The following CDHR2 variants were observed in gnomAD, a reference collection of about 807,000 sequenced individuals.
CDHR2 encodes the protein cadherin-related family member 2.
CDHR2 carries 104 observed loss-of-function variants against 138.6 expected under a neutral mutation model. The ratio of observed to expected loss-of-function variants is 0.75; its 90% confidence interval spans 0.64 to 0.88. CDHR2 has a LOEUF of 0.88. Among genes scored for constraint, CDHR2 ranks in the 40% least tolerant of loss-of-function variants. The pLI is 0.00. For missense variants in CDHR2, 1,624 were observed against 1,727.6 expected (o/e 0.94, Z 1.06); for synonymous variants, 755 against 742.8 (o/e 1.02, Z -0.27).
intron 16 of CDHR2, among the ~76,000 whole-genome samples, chr5:176,579,550 G>A (rs1309855952): frequency 6.6e-6 from 1 of 152,138 alleles, no homozygotes; most frequent in Non-Finnish European, 1.5e-5. Flanking sequence ...TAACCGTGGT[G>A]CCCAGCATGA....
rs374477431 is a variant in CDHR2, at chr5:176,565,345, C to A, written c.-8C>A. On this transcript the variant is annotated 5_prime_UTR_variant, in exon 2 of 32. Transcript: ENST00000261944. ...CCTGACCTCTTCCCTTAGGTCCCTGCGGATGTGATGGCCCAGCTATGGCTG... is the reference window on the plus strand; with the variant it reads ...CCTGACCTCTTCCCTTAGGTCCCTGAGGATGTGATGGCCCAGCTATGGCTG... 1.4e-5 allele frequency: 22 copies of A among 1,613,272 alleles called. No individual in the cohort carries two copies. The highest frequency in any genetic ancestry group is 1.6e-4 in the Middle Eastern group (1 of 6,084).
chr5:176,549,033 C>T (rs970272358), upstream of CDHR2, among the ~76,000 whole-genome samples: 6 of 152,188 alleles, frequency 3.9e-5, no homozygotes, highest in Non-Finnish European at 1.5e-5. Flanking sequence ...AGGGAGGGGA[C>T]GGGGGCTCTG....
chr5:176,589,325 C>T lies in CDHR2; in HGVS notation c.3009-5C>T, dbSNP rs374746165. 5.7e-5 allele frequency: 88 copies of T among 1,554,794 alleles called. No individual in the cohort carries two copies. The highest frequency in any genetic ancestry group is 3.3e-4 in the African/African-American group (24 of 73,374). ...AGACTGACCTGCGCCTCCCGCCTTC[C>T]GCAGGCCGGTGACCAGCCTCGACTC... On this transcript the variant is annotated splice_region_variant and splice_polypyrimidine_tract_variant and intron_variant, in intron 22 of 31. Transcript: ENST00000261944.
intron 1 of CDHR2, among the ~76,000 whole-genome samples, chr5:176,562,195 A>G (rs1319259320): frequency 6.6e-6 from 1 of 152,114 alleles, no homozygotes; most frequent in Non-Finnish European, 1.5e-5. Flanking sequence ...TGAGGGCGGA[A>G]AAGATTAGAT....
intron 16 of CDHR2, 142 bp downstream of exon 16, chr5:176,578,750 A>C: frequency 8.5e-7 from 1 of 1,179,902 alleles, no homozygotes; most frequent in Non-Finnish European, 1.2e-6. Context: ...CCTCCCAGGA[A>C]ATGAAGAAAA....
At chr5:176,551,598 C>T (rs1383621196) in intron 1 of CDHR2, among the ~76,000 whole-genome samples, 1 of 152,178 alleles carries the variant, frequency 6.6e-6, no homozygotes, top group Non-Finnish European at 1.5e-5. Context: ...TCAAGTGATC[C>T]TCCCACTCTA....
rs1252496221 is a variant in CDHR2 at position 176,592,728 on chromosome 5, A to G, written c.3740A>G (p.Asn1247Ser). The G allele has an allele frequency of 6.2e-6, 10 of 1,613,596 alleles. No homozygotes were observed. Among genetic ancestry groups the G allele is most frequent in the South Asian group, 3.3e-5 (3 of 91,078 alleles). The change falls in exon 31 of 32, where the codon AAC (asparagine) becomes AGC (serine). Residue 1247 changes from asparagine to serine, a missense_variant. Coordinates refer to ENST00000261944, the MANE Select transcript of CDHR2 (RefSeq NM_017675.6). The stretch of plus-strand genomic sequence containing the variant: ...CTCCATCACCTCTCTTACAGCGTCA[A>G]CTCCCTGGACGACAACTCTGTGGAT... ...PSNDLDSVSV[N>S]SLDDNSVDVD...
intron 1 of CDHR2, among the ~76,000 whole-genome samples, chr5:176,564,191 T>C (rs1758030106): frequency 6.6e-6 from 1 of 152,130 alleles, no homozygotes; most frequent in Admixed American, 6.5e-5. Context: ...TCTTTGGGGA[T>C]TCTTTTTTTT....
intron 17 of CDHR2, 42 bp from the exon 18 acceptor site, chr5:176,584,148 T>G: frequency 4.7e-5 from 72 of 1,546,188 alleles, no homozygotes; most frequent in Non-Finnish European, 5.6e-5. Flanking sequence ...CTGGGGAGGG[T>G]GAGATTGGAT....
At chr5:176,542,532 A>G (rs1331378331) in exon 1 of CDHR2, 1 of 152,114 alleles carries the variant, frequency 6.6e-6, no homozygotes, top group Non-Finnish European at 1.5e-5. Context: ...GAACCGTCAC[A>G]TTGTTCAGTG....
In CDHR2 at chr5:176,595,575, C is replaced by A. The variant is rs1240820769; in HGVS notation, c.3836C>A (p.Pro1279His). 6.2e-7 allele frequency: 1 copy of A among 1,612,688 alleles called. No individual in the cohort carries two copies. The highest frequency in any genetic ancestry group is 1.7e-5 in the Admixed American group (1 of 59,904). ...PHTPPEPDPE[P>H]LSVVLLGRQA... Reference sequence around the variant, plus strand: ...ACACCACCAGAGCCAGATCCAGAGCCCCTGAGCGTGGTCCTGTTAGGACGG... The same window carrying A: ...ACACCACCAGAGCCAGATCCAGAGCACCTGAGCGTGGTCCTGTTAGGACGG... The change falls in exon 32 of 32, where the codon CCC becomes CAC. Residue 1279 changes from proline to histidine, a missense_variant. This residue lies in a region of CDHR2 where 556 missense variants were observed against 565.7 expected (regional missense o/e 0.98). Transcript: ENST00000261944.
At chr5:176,588,972 G>T in intron 21 of CDHR2, 59 bp from the exon 22 acceptor site, 1 of 1,580,332 alleles carries the variant, frequency 6.3e-7, no homozygotes, top group Non-Finnish European at 8.7e-7. Context: ...GATCCCTGCT[G>T]GGGTGGAGGG....
At chr5:176,546,564 C>G (rs577564409), upstream of CDHR2, among the ~76,000 whole-genome samples, 127 of 151,804 alleles carry the variant, frequency 8.4e-4, 1 homozygote, top group South Asian at 0.015. Flanking sequence ...GCAACTTGCC[C>G]TGCCAAAATT....
chr5:176,574,097 C>T lies in CDHR2; in HGVS notation c.420C>T (p.Gly140=), dbSNP rs1758298977. ...STSINETLPV[G]SVVFSVLAVD... ...CCTCCCTGCAGACCCTGCCCGTGGG[C>T]AGTGTGGTGTTCTCCGTGCTGGCCG... is the stretch of plus-strand genomic sequence containing the variant. Residue 140 remains glycine (G), a synonymous_variant, in exon 7 of 32, where the codon GGC becomes GGT. Transcript: ENST00000261944. 1.9e-6 allele frequency: 3 copies of T among 1,613,860 alleles called. No homozygotes were observed.
intron 5 of CDHR2, among the ~76,000 whole-genome samples, chr5:176,569,421 C>T (rs936622820): frequency 1.3e-5 from 2 of 151,750 alleles, no homozygotes; most frequent in African/African-American, 2.4e-5. Context: ...GTAGCTGGGA[C>T]TACAGGCGCC....
At chr5:176,560,218 GA>G (rs1757934516) in intron 1 of CDHR2, among the ~76,000 whole-genome samples, 2 of 152,110 alleles carry the variant, frequency 1.3e-5, no homozygotes, top group African/African-American at 4.8e-5. Context: ...CCAACATGGT[GA>G]AACCCCGTCT....
intron 17 of CDHR2, among the ~76,000 whole-genome samples, 200 bp from the exon 18 acceptor site, chr5:176,583,990 G>A (rs920976755): frequency 2.6e-5 from 4 of 152,156 alleles, no homozygotes; most frequent in African/African-American, 7.2e-5. Context: ...AGGTCCCACT[G>A]TAGGTCCCTG....
Position 176,589,102 on chromosome 5 carries a change from G to C in CDHR2, c.2928G>C (p.Lys976Asn), listed in dbSNP as rs775453503. 3.7e-6 allele frequency: 6 copies of C among 1,614,034 alleles called. No homozygotes were observed. The highest frequency in any genetic ancestry group is 3.3e-5 in the Admixed American group (2 of 59,990). Residue 976 changes from lysine (K) to asparagine (N), a missense_variant, in exon 22 of 32, where the codon AAG becomes AAC. Transcript: ENST00000261944. ...FSILRVDFIS[K>N]DGATIPFQGV... ...TCCTCCGAGTAGACTTCATCTCTAA[G>C]GACGGGGCCACCATCCCTTTCCAGG...
At chr5:176,560,425 G>A (rs4868649) in intron 1 of CDHR2, among the ~76,000 whole-genome samples, 80,162 of 151,152 alleles carry the variant, frequency 0.53, 25,130 homozygotes, top group Non-Finnish European at 0.7. Flanking sequence ...AAAAAAAGAC[G>A]CCAAAAAAGA....
Sources: gnomAD v4.1 joint callset for allele counts (sites outside exome capture counted in the v4.1 genomes callset) on GRCh38, gnomAD v4.1.1 for gene constraint, gnomAD v4.1.1 regional missense constraint, MANE v1.5 for transcripts, NCBI Gene and HGNC (gene_info 2026-07-23, HGNC 2026-07-21) for gene names.